The following RNF175 variants were observed in gnomAD, a reference collection of about 807,000 sequenced individuals.
RNF175 encodes ring finger protein 175.
RNF175 carries 38 observed loss-of-function variants against 50.0 expected under a neutral mutation model. That is an observed-to-expected ratio of 0.76 (90% CI 0.59 to 1.00). The LOEUF (loss-of-function observed/expected upper bound fraction) is 1.00, where lower values mean the gene tolerates loss of function less well. RNF175 is among the 50% of genes least tolerant of loss of function. The pLI, the probability that RNF175 is intolerant of heterozygous loss-of-function variation, is 0.00. For missense variants in RNF175, 388 were observed against 409.6 expected, an observed-to-expected ratio of 0.95 and a Z score of 0.46; for synonymous variants, 155 against 146.1, an observed-to-expected ratio of 1.06 and a Z score of -0.44.
chr4:153,738,085 C>T (rs577169896), intron 3 of RNF175, among the ~76,000 whole-genome samples: 7 of 152,122 alleles, frequency 4.6e-5, no homozygotes, highest in South Asian at 2.1e-4. Flanking sequence ...AGTCTCACTC[C>T]GCTGCCCAGG....
chr4:153,712,303 A>G (rs1737637566), intron 8 of RNF175, among the ~76,000 whole-genome samples, 172 bp downstream of exon 8: 1 of 152,256 alleles, frequency 6.6e-6, no homozygotes, highest in Non-Finnish European at 1.5e-5. Flanking sequence ...CCAGAATAGT[A>G]ATATAGGCAC....
At chr4:153,751,307 G>T in intron 2 of RNF175, 131 bp downstream of exon 2, 1 of 688,310 alleles carries the variant, frequency 1.5e-6, no homozygotes, top group Non-Finnish European at 2.5e-6. Context: ...TGTAGTATTT[G>T]TGTATCCTAC....
rs749496017 is a variant in RNF175 at position 153,712,515 on chromosome 4, A to G, written c.826T>C (p.Cys276Arg). The change falls in exon 8 of 9, where the codon TGC becomes CGC. Residue 276 changes from cysteine to arginine, a missense_variant. Coordinates refer to ENST00000347063, the MANE Select transcript of RNF175 (RefSeq NM_173662.4). The part of the protein sequence containing the change: ...IVGKKQTCPY[C>R]KEKVDLKRMI... ...CTCTTCAAATCAACTTTCTCTTTGC[A>G]GTAAGGGCAAGTCTGCTTTTTCCCA... 3.1e-6 allele frequency: 5 copies of G among 1,612,616 alleles called. No homozygotes were observed. The highest frequency in any genetic ancestry group is 4.2e-6 in the Non-Finnish European group (5 of 1,178,850).
chr4:153,724,268 A>G (rs1340751805), intron 4 of RNF175, among the ~76,000 whole-genome samples: 1 of 152,196 alleles, frequency 6.6e-6, no homozygotes, highest in East Asian at 1.9e-4. Context: ...GACCAGCTTC[A>G]TGTCTAGGAG....
chr4:153,712,615 G>T (rs1243761704), intron 7 of RNF175, 39 bp from the exon 8 acceptor site: 1 of 1,308,680 alleles, frequency 7.6e-7, no homozygotes, highest in Non-Finnish European at 1.1e-6. Context: ...GATATGAAAA[G>T]GCAATGTCTG....
At chr4:153,719,162 G>C (rs1003673721) in intron 6 of RNF175, among the ~76,000 whole-genome samples, 1 of 152,062 alleles carries the variant, frequency 6.6e-6, no homozygotes, top group Non-Finnish European at 1.5e-5. Flanking sequence ...GTGTCCATGT[G>C]TTCTCATTGT....
chr4:153,731,855 A>G (rs1051272139), intron 3 of RNF175, among the ~76,000 whole-genome samples: 1 of 152,102 alleles, frequency 6.6e-6, no homozygotes, highest in Admixed American at 6.6e-5. Flanking sequence ...GTAAGCAGAA[A>G]ATTATCATAA....
intron 7 of RNF175, chr4:153,714,194 TCCAAC>T (rs1373038672): frequency 6.6e-6 from 1 of 152,190 alleles, no homozygotes; most frequent in African/African-American, 2.4e-5. Flanking sequence ...GGGGCTCTGT[TCCAAC>T]ATTTGAAAAA....
Position 153,720,315 on chromosome 4 carries a change from C to A in RNF175, c.510-11G>T, listed in dbSNP as rs752651102. Reference sequence around the variant, plus strand: ...TCTCTAGCTTTGATTCTATTGAAAACAACAGTATAAGGAAATAAGAATGTG... The same window carrying A: ...TCTCTAGCTTTGATTCTATTGAAAAAAACAGTATAAGGAAATAAGAATGTG... On this transcript the variant is annotated splice_polypyrimidine_tract_variant and intron_variant, in intron 5 of 8. Coordinates refer to ENST00000347063, the MANE Select transcript of RNF175 (RefSeq NM_173662.4). 7 of 1,611,440 alleles carry A rather than the reference C, an allele frequency of 4.3e-6. No homozygotes were observed. In the African/African-American group the frequency reaches 9.3e-5, roughly 22 times the overall value.
At chr4:153,719,542 C>T (rs1013854335) in intron 6 of RNF175, among the ~76,000 whole-genome samples, 2 of 152,124 alleles carry the variant, frequency 1.3e-5, no homozygotes, top group Admixed American at 6.5e-5. Context: ...CCCCTGATAT[C>T]TGAATCAGGA....
intron 1 of RNF175, 100 bp from the exon 2 acceptor site, chr4:153,751,575 A>G: frequency 1.3e-6 from 1 of 782,414 alleles, no homozygotes. Flanking sequence ...AAAAATAACA[A>G]TGTCACATAG....
chr4:153,748,619 T>C (rs1579097411), intron 3 of RNF175, 26 bp downstream of exon 3: 2 of 1,550,028 alleles, frequency 1.3e-6, no homozygotes, highest in Non-Finnish European at 1.7e-6. Flanking sequence ...TGGAGCAGGC[T>C]CCCAGCAGCC....
rs1421221544 is a variant in RNF175 at position 153,760,003 on chromosome 4, C to G, written c.-141G>C. On this transcript the variant is annotated 5_prime_UTR_variant, in exon 1 of 9. Coordinates refer to ENST00000347063, the MANE Select transcript of RNF175 (RefSeq NM_173662.4). ...GCGGCGGCGGAGCGGCGGCCCTGCC[C>G]GGGTTGTGCGGGGCGGGAGATGGGA... 6.7e-6 allele frequency: 3 copies of G among 445,940 alleles called. No individual in the cohort carries two copies. Among genetic ancestry groups the G allele is most frequent in the South Asian group, 6.4e-5 (1 of 15,542 alleles). The allele number at this position is 445,940 out of a possible 1,614,324, so 27.6% of individuals were successfully genotyped here.
At chr4:153,741,190 AG>A (rs1739638183) in intron 3 of RNF175, among the ~76,000 whole-genome samples, 2 of 152,332 alleles carry the variant, frequency 1.3e-5, no homozygotes, top group Non-Finnish European at 2.9e-5. Context: ...TAGGTGACAC[AG>A]GAAGGCTAGA....
At chr4:153,742,997 GAAC>G (rs370988703) in intron 3 of RNF175, among the ~76,000 whole-genome samples, 36 of 152,234 alleles carry the variant, frequency 2.4e-4, no homozygotes, top group African/African-American at 8.7e-4. Flanking sequence ...TACATGCCAA[GAAC>G]AACAATTAAA....
intron 3 of RNF175, among the ~76,000 whole-genome samples, chr4:153,742,543 A>G (rs1012327825): frequency 6.6e-6 from 1 of 152,136 alleles, no homozygotes; most frequent in African/African-American, 2.4e-5. Flanking sequence ...AGTACTGAAC[A>G]CTTACTATGG....
intron 3 of RNF175, among the ~76,000 whole-genome samples, chr4:153,734,189 G>A (rs1217789580): frequency 6.6e-6 from 1 of 152,214 alleles, no homozygotes; most frequent in Non-Finnish European, 1.5e-5. Context: ...TTGTGTGAAT[G>A]TAGGTTTTCA....
intron 3 of RNF175, among the ~76,000 whole-genome samples, chr4:153,744,674 T>C (rs796444207): frequency 6.6e-5 from 10 of 152,334 alleles, no homozygotes; most frequent in African/African-American, 2.2e-4. Context: ...ATGAGGACTC[T>C]AGAAATTTTA....
At chr4:153,731,966 T>C (rs1739062791) in intron 3 of RNF175, among the ~76,000 whole-genome samples, 1 of 152,192 alleles carries the variant, frequency 6.6e-6, no homozygotes, top group Admixed American at 6.5e-5. Flanking sequence ...ACGTGGTGAC[T>C]CATGCCTGTA....
Sources: gnomAD v4.1 joint callset for allele counts (sites outside exome capture counted in the v4.1 genomes callset) on GRCh38, gnomAD v4.1.1 for gene constraint, MANE v1.5 for transcripts, NCBI Gene and HGNC (gene_info 2026-07-23, HGNC 2026-07-21) for gene names.